CHAMP1: variants seen among roughly 807,000 people sequenced by gnomAD.
CHAMP1 encodes chromosome alignment-maintaining phosphoprotein 1.
A neutral mutation model predicts 54.5 loss-of-function variants in CHAMP1; 4 were observed. The observed-to-expected ratio is 0.07, with a 90% CI of 0.04 to 0.17. CHAMP1 has a LOEUF of 0.17. Ranked by LOEUF, CHAMP1 falls within the 10% of genes least tolerant of loss-of-function variation. The pLI is 1.00. For synonymous variants in CHAMP1, 368 were observed against 342.2 expected (o/e 1.08, Z -0.83); for missense variants, 994 against 968.6 (o/e 1.03, Z -0.35).
rs2087071248 is a variant in CHAMP1 at position 114,314,582 on chromosome 13, G to A, written c.-240G>A. 6.6e-6 allele frequency: 1 copy of A among 151,810 alleles called. No homozygotes were observed. 9.4% of individuals were successfully genotyped at this position (151,810 alleles called of 1,614,324 possible). On this transcript the variant is annotated 5_prime_UTR_variant, in exon 1 of 3. Coordinates refer to ENST00000361283, the MANE Select transcript of CHAMP1 (RefSeq NM_032436.4). ...TGCAGGGCCTCGCGGAGCCGCCCGC[G>A]ACCGCGAGCCGGGCCCTCCGCGCGG...
chr13:114,323,738 T>G, intron 2 of CHAMP1, 50 bp from the exon 3 acceptor site: 1 of 1,413,394 alleles, frequency 7.1e-7, no homozygotes. Flanking sequence ...TGACAGCATT[T>G]TATTCAGAAT....
chr13:114,325,739 A>G lies in CHAMP1; in HGVS notation c.1897A>G (p.Ser633Gly), dbSNP rs150207045. 1.5e-5 allele frequency: 24 copies of G among 1,614,240 alleles called. No individual in the cohort carries two copies. In the African/African-American group the frequency reaches 3.1e-4, roughly 21 times the overall value. The change falls in exon 3 of 3, where the codon AGT becomes GGT. Residue 633 changes from serine to glycine, a missense_variant. This residue lies in a region of CHAMP1 where 851 missense variants were observed against 701.3 expected (regional missense o/e 1.21). Transcript: ENST00000361283. The stretch of plus-strand genomic sequence containing the variant: ...AGAGAGCTCAGACGCTGAGCTTAGT[A>G]GTAGTGAGTACATAAAAACAGATTT... ...NQESSDAELS[S>G]SEYIKTDLDA...
At chr13:114,315,833 TTG>T (rs141103978) in intron 1 of CHAMP1, among the ~76,000 whole-genome samples, 1 of 150,944 alleles carries the variant, frequency 6.6e-6, no homozygotes, top group Non-Finnish European at 1.5e-5. Flanking sequence ...ATGGCAAGTT[TTG>T]TTTTTTTTTT....
At position 114,325,733 on chromosome 13, in the gene CHAMP1, C is replaced by T. The variant is rs369080498; in HGVS notation, c.1891C>T (p.Leu631Phe). The T allele has an allele frequency of 1.4e-5, 22 of 1,614,022 alleles. No individual in the cohort carries two copies. The highest frequency in any genetic ancestry group is 1.8e-5 in the Non-Finnish European group (21 of 1,180,046). Residue 631 changes from leucine to phenylalanine, a missense_variant, in exon 3 of 3, where the codon CTT (leucine) becomes TTT (phenylalanine). Around this residue, in one of 3 missense-constraint regions of CHAMP1, gnomAD observed 851 missense variants for 701.3 expected, o/e 1.21. Coordinates refer to ENST00000361283, the MANE Select transcript of CHAMP1 (RefSeq NM_032436.4). ...KDNQESSDAE[L>F]SSSEYIKTDL... Reference sequence around the variant, plus strand: ...CAACCAAGAGAGCTCAGACGCTGAGCTTAGTAGTAGTGAGTACATAAAAAC... The same window carrying T: ...CAACCAAGAGAGCTCAGACGCTGAGTTTAGTAGTAGTGAGTACATAAAAAC...
At position 114,324,772 on chromosome 13, in the gene CHAMP1, C is replaced by T. The variant is rs2087220754; in HGVS notation, c.930C>T (p.Gly310=). The T allele has an allele frequency of 2.5e-5, 41 of 1,613,888 alleles. No individual in the cohort carries two copies. Among genetic ancestry groups the T allele is most frequent in the Non-Finnish European group, 3.4e-5 (40 of 1,179,920 alleles). Residue 310 remains glycine (G), a synonymous_variant, in exon 3 of 3, where the codon GGC becomes GGT. Transcript: ENST00000361283. ...GACCAGCCCCCGCTGTGTCACCAGGCTCTTGGAAACCAGGGCCACCTGGGT... is the reference window on the plus strand; with the variant it reads ...GACCAGCCCCCGCTGTGTCACCAGGTTCTTGGAAACCAGGGCCACCTGGGT... ...PRRPAPAVSP[G]SWKPGPPGSP...
intron 1 of CHAMP1, among the ~76,000 whole-genome samples, 155 bp from the exon 2 acceptor site, chr13:114,320,955 C>CAAAGAAAAAAAAAAAAAAA (rs2087160922): frequency 8.2e-6 from 1 of 122,466 alleles, no homozygotes; most frequent in African/African-American, 3.2e-5. Flanking sequence ...GACTCTGTCT[C>CAAAGAAAAAAAAAAAAAAA]AAAAAAAAAA....
At chr13:114,318,407 C>T (rs1356578759) in intron 1 of CHAMP1, among the ~76,000 whole-genome samples, 1 of 151,862 alleles carries the variant, frequency 6.6e-6, no homozygotes, top group African/African-American at 2.4e-5. Context: ...ACTGCAACTC[C>T]TGCCTCTCAG....
In CHAMP1 at chr13:114,324,664, C is replaced by T. The variant is rs781938273; in HGVS notation, c.822C>T (p.Thr274=). The T allele has an allele frequency of 1.2e-6, 2 of 1,614,004 alleles. No individual in the cohort carries two copies. The highest frequency in any genetic ancestry group is 1.7e-6 in the Non-Finnish European group (2 of 1,179,982). Residue 274 remains threonine, a synonymous_variant, in exon 3 of 3, where the codon ACC becomes ACT. Coordinates refer to ENST00000361283, the MANE Select transcript of CHAMP1 (RefSeq NM_032436.4). Reference sequence around the variant, plus strand: ...AATCTCGGAAGTCAGCCCGGACTACCTCCCCTGAGCCAAGGAAGCCATCCC... The same window carrying T: ...AATCTCGGAAGTCAGCCCGGACTACTTCCCCTGAGCCAAGGAAGCCATCCC... ...SPESRKSART[T]SPEPRKPSPS...
In CHAMP1 at chr13:114,324,922, A is replaced by T. The variant is rs782788486; in HGVS notation, c.1080A>T (p.Lys360Asn). ...PIPSVSPGPW[K>N]PTPSVSSASW... ...CTTCTGTATCTCCTGGACCTTGGAA[A>T]CCAACTCCATCTGTGTCTTCTGCAT... The change falls in exon 3 of 3, where the codon AAA (lysine) becomes AAT (asparagine). Residue 360 changes from lysine (K) to asparagine (N), a missense_variant. This residue lies in a region of CHAMP1 where 851 missense variants were observed against 701.3 expected (regional missense o/e 1.21). Transcript: ENST00000361283. 1 of 1,613,954 alleles carries T rather than the reference A, an allele frequency of 6.2e-7. No homozygotes were observed. Among genetic ancestry groups the T allele is most frequent in the Non-Finnish European group, 8.5e-7 (1 of 1,180,012 alleles).
At chr13:114,318,766 ATTATCTATAATTC>A (rs1467435771) in intron 1 of CHAMP1, among the ~76,000 whole-genome samples, 1 of 136,426 alleles carries the variant, frequency 7.3e-6, no homozygotes, top group African/African-American at 2.8e-5. Flanking sequence ...TAGCTCATAT[ATTATCTATAATTC>A]TTCCCCTTTT....
intron 1 of CHAMP1, among the ~76,000 whole-genome samples, chr13:114,315,840 T>G (rs566548767): frequency 2.2e-4 from 33 of 151,658 alleles, no homozygotes; most frequent in South Asian, 4.2e-4. Context: ...GTTTTGTTTT[T>G]TTTTTTTTTT....
chr13:114,323,763 ATAATT>A lies in CHAMP1; in HGVS notation c.-55-22_-55-18del. The A allele has an allele frequency of 6.7e-7, 1 of 1,499,212 alleles. No homozygotes were observed. Among genetic ancestry groups the A allele is most frequent in the Non-Finnish European group, 8.9e-7 (1 of 1,118,912 alleles). 92.9% of individuals were successfully genotyped at this position (1,499,212 alleles called of 1,614,324 possible). On this transcript the variant is annotated intron_variant, in intron 2 of 2. Transcript: ENST00000361283. ...TTATTCAGAATTACAGTTCATGAAA[ATAATT>A]TATTCCTACTTTATTGCAGCAGTAT... is the stretch of plus-strand genomic sequence containing the variant.
intron 1 of CHAMP1, among the ~76,000 whole-genome samples, chr13:114,314,977 A>G (rs1206204136): frequency 2.0e-5 from 3 of 152,228 alleles, no homozygotes; most frequent in Non-Finnish European, 4.4e-5. Context: ...TTCTGTCATT[A>G]TTACTGTTTA....
At position 114,325,661 on chromosome 13, in the gene CHAMP1, C is replaced by T. The variant is rs1555379884; in HGVS notation, c.1819C>T (p.Leu607Phe). The change falls in exon 3 of 3, where the codon CTC becomes TTC. Residue 607 changes from leucine to phenylalanine, a missense_variant. Leu to Phe is a conservative substitution (Grantham distance 22). Transcript: ENST00000361283. ...QEELLASPKK[L>F]LEDTLFPSSK... ...AGAACTTCTAGCTTCACCTAAGAAACTCTTAGAAGATACTTTATTTCCTTC... is the reference window on the plus strand; with the variant it reads ...AGAACTTCTAGCTTCACCTAAGAAATTCTTAGAAGATACTTTATTTCCTTC... 6.2e-7 allele frequency: 1 copy of T among 1,613,952 alleles called. No homozygotes were observed. The highest frequency in any genetic ancestry group is 1.1e-5 in the South Asian group (1 of 91,074).
chr13:114,320,955 C>CAAAAAAAAAAAAAAAAAAAAAA (rs1233050968), intron 1 of CHAMP1, among the ~76,000 whole-genome samples, 155 bp from the exon 2 acceptor site: 1 of 122,460 alleles, frequency 8.2e-6, no homozygotes, highest in African/African-American at 3.2e-5. Context: ...GACTCTGTCT[C>CAAAAAAAAAAAAAAAAAAAAAA]AAAAAAAAAA....
In CHAMP1 at chr13:114,324,451, T is replaced by G. The variant is rs2087213424; in HGVS notation, c.609T>G (p.Pro203=). Residue 203 remains proline (P), a synonymous_variant, in exon 3 of 3, where the codon CCT becomes CCG. Transcript: ENST00000361283. ...VCESQKLAPV[P]SPEPQKPAPV... is the part of the protein sequence containing the mutation. Reference sequence around the variant, plus strand: ...AGTCTCAGAAACTTGCCCCTGTTCCTTCTCCAGAACCACAGAAACCTGCCC... The same window carrying G: ...AGTCTCAGAAACTTGCCCCTGTTCCGTCTCCAGAACCACAGAAACCTGCCC... 5 of 1,614,166 alleles carry G rather than the reference T, an allele frequency of 3.1e-6. No individual in the cohort carries two copies. The highest frequency in any genetic ancestry group is 1.7e-6 in the Non-Finnish European group (2 of 1,180,024).
At chr13:114,320,902 G>A (rs1415424665) in intron 1 of CHAMP1, among the ~76,000 whole-genome samples, 1 of 151,170 alleles carries the variant, frequency 6.6e-6, no homozygotes, top group Admixed American at 6.6e-5. Flanking sequence ...CTTGCAGTGA[G>A]CCGAGATCGC....
At chr13:114,323,119 C>A in intron 2 of CHAMP1, 1 of 152,154 alleles carries the variant, frequency 6.6e-6, no homozygotes, top group East Asian at 1.9e-4. Flanking sequence ...CCTTATCTTT[C>A]CAACTCATGA....
chr13:114,324,219 C>G lies in CHAMP1; in HGVS notation c.377C>G (p.Ser126Cys). 1 of 1,614,170 alleles carries G rather than the reference C, an allele frequency of 6.2e-7. No individual in the cohort carries two copies. The highest frequency in any genetic ancestry group is 2.2e-5 in the East Asian group (1 of 44,890). Reference protein sequence around the residue: ...KIPCNSAEPKSIPALSMETQK... With the variant: ...KIPCNSAEPKCIPALSMETQK... ...CCCTGCAATTCAGCAGAACCAAAAT[C>G]CATACCTGCCCTTTCAATGGAAACA... Residue 126 changes from serine to cysteine, a missense_variant, in exon 3 of 3, where the codon TCC becomes TGC. By Grantham distance (112) the Ser-to-Cys change is moderately radical. Around this residue, in one of 3 missense-constraint regions of CHAMP1, gnomAD observed 851 missense variants for 701.3 expected, o/e 1.21. Transcript: ENST00000361283.
Sources: gnomAD v4.1 joint callset for allele counts (sites outside exome capture counted in the v4.1 genomes callset) on GRCh38, gnomAD v4.1.1 for gene constraint, gnomAD v4.1.1 regional missense constraint, MANE v1.5 for transcripts, NCBI Gene and HGNC (gene_info 2026-07-23, HGNC 2026-07-21) for gene names.